DALRD3: variants seen among roughly 807,000 people sequenced by gnomAD.
DALRD3 encodes DALR anticodon-binding domain-containing protein 3.
Under a neutral mutation model 56.7 loss-of-function variants are expected in DALRD3, and 47 were observed. The ratio of observed to expected loss-of-function variants is 0.83; its 90% CI spans 0.66 to 1.06. The LOEUF (loss-of-function observed/expected upper bound fraction) is 1.06, where lower values mean the gene tolerates loss of function less well. Ranked by LOEUF, DALRD3 falls within the 50% of genes least tolerant of loss-of-function variation. DALRD3 has a pLI of 0.00. For synonymous variants in DALRD3, 347 were observed against 308.5 expected (o/e 1.12, Z -1.31); for missense variants, 787 against 724.0 (o/e 1.09, Z -1.00).
In DALRD3 at chr3:49,016,184, G is replaced by T. The variant is rs1349840757; in HGVS notation, c.1303C>A (p.Leu435Met). The part of the protein sequence containing the change: ...LYPTFPPVSS[L>M]DFSLLHDEGE... Reference sequence around the variant, plus strand: ...TCATCATGTAGCAGTGAGAAGTCCAGACTGCTCACAGGAGGAAAAGTGGGG... The same window carrying T: ...TCATCATGTAGCAGTGAGAAGTCCATACTGCTCACAGGAGGAAAAGTGGGG... Residue 435 changes from leucine (L) to methionine (M), a missense_variant, in exon 9 of 12, where the codon CTG (leucine) becomes ATG (methionine). Coordinates refer to ENST00000341949, the MANE Select transcript of DALRD3 (RefSeq NM_001009996.3). 1.9e-5 allele frequency: 30 copies of T among 1,614,048 alleles called. No homozygotes were observed. The highest frequency in any genetic ancestry group is 2.5e-5 in the Non-Finnish European group (29 of 1,180,038).
At chr3:49,017,038 T>C (rs2093090158) in intron 5 of DALRD3, 190 bp downstream of exon 5, 10 of 962,226 alleles carry the variant, frequency 1.0e-5, no homozygotes, top group Admixed American at 6.8e-5. Context: ...TTCAGTGTTC[T>C]TGGGATGTGT....
chr3:49,018,181 G>A lies in DALRD3; in HGVS notation c.303C>T (p.Ala101=). 6.9e-7 allele frequency: 1 copy of A among 1,449,222 alleles called. No homozygotes were observed. 89.8% of individuals were successfully genotyped at this position (1,449,222 alleles called of 1,614,324 possible). A position where few individuals can be genotyped will look rare whatever the true frequency, so the allele number is the denominator to read the frequency against. ...RSAVFERVLS[A]VAAYATPASP... ...AGGCGGGCGTGGCATAGGCGGCCAC[G>A]GCGCTGAGGACGCGCTCGAAGACGG... The change falls in exon 2 of 12, where the codon GCC becomes GCT. Residue 101 remains alanine, a synonymous_variant. Coordinates refer to ENST00000341949, the MANE Select transcript of DALRD3 (RefSeq NM_001009996.3).
Position 49,015,801 on chromosome 3 carries a change from C to A in DALRD3, c.1512+3G>T, listed in dbSNP as rs1254082132. ...GTCCCACCCCATTTTGCTGTGTGCT[C>A]ACCCCCAGGATGTGTACCCGGTTGT... On this transcript the variant is annotated splice_donor_region_variant and intron_variant, in intron 11 of 11. Coordinates refer to ENST00000341949, the MANE Select transcript of DALRD3 (RefSeq NM_001009996.3). 3 of 1,614,036 alleles carry A rather than the reference C, an allele frequency of 1.9e-6. No individual in the cohort carries two copies. The highest frequency in any genetic ancestry group is 1.7e-5 in the Admixed American group (1 of 59,988).
intron 8 of DALRD3, 25 bp from the exon 9 acceptor site, chr3:49,016,365 G>A (rs2093070276): frequency 6.2e-7 from 1 of 1,604,498 alleles, no homozygotes; most frequent in Non-Finnish European, 8.5e-7. Context: ...CACAGCTGCA[G>A]AGAGAGAAGG....
chr3:49,016,784 C>G lies in DALRD3; in HGVS notation c.991G>C (p.Glu331Gln). The change falls in exon 6 of 12, where the codon GAG becomes CAG. Residue 331 changes from glutamate (E) to glutamine (Q), a missense_variant. By Grantham distance (29) the Glu-to-Gln change is conservative. Coordinates refer to ENST00000341949, the MANE Select transcript of DALRD3 (RefSeq NM_001009996.3). ...CCCAGCCTCACTCACTCGTAGTACTCAGGGGCAGTCATCAGAGTGCCAGGT... is the reference window on the plus strand; with the variant it reads ...CCCAGCCTCACTCACTCGTAGTACTGAGGGGCAGTCATCAGAGTGCCAGGT... ...GAPGTLMTAP[E>Q]YYEFRHTQVC... 6.2e-7 allele frequency: 1 copy of G among 1,614,202 alleles called. No homozygotes were observed. The highest frequency in any genetic ancestry group is 8.5e-7 in the Non-Finnish European group (1 of 1,180,036).
chr3:49,017,041 G>C, intron 5 of DALRD3, 187 bp downstream of exon 5: 1 of 960,398 alleles, frequency 1.0e-6, no homozygotes, highest in Non-Finnish European at 1.6e-6. Flanking sequence ...AGTGTTCTTG[G>C]GATGTGTCTA....
In DALRD3 at chr3:49,018,304, CA is replaced by C. The variant is rs1386917834; in HGVS notation, c.179del (p.Leu60CysfsTer75). On this transcript the variant is annotated frameshift_variant, in exon 2 of 12. Coordinates refer to ENST00000341949, the MANE Select transcript of DALRD3 (RefSeq NM_001009996.3). LOFTEE classifies it high-confidence loss of function. ...RFDDGQVPEH[L>X]LHALACLQGP... ...CCTGCAGGCAGGCGAGGGCATGGAG[CA>C]AATGCTCCGGAACCTGCGGGAGAAC... 1 of 1,469,008 alleles carries C rather than the reference CA, an allele frequency of 6.8e-7. No individual in the cohort carries two copies. Among genetic ancestry groups the C allele is most frequent in the African/African-American group, 1.5e-5 (1 of 68,762 alleles). The allele number at this position is 1,469,008 out of a possible 1,614,324, so 91.0% of individuals were successfully genotyped here.
upstream of DALRD3, chr3:49,018,840 C>A (rs1361958844): frequency 2.0e-6 from 2 of 985,448 alleles, no homozygotes; most frequent in East Asian, 1.1e-4. Context: ...AAAGGATCCT[C>A]GCGACCCGGT....
At position 49,018,064 on chromosome 3, in the gene DALRD3, C is replaced by A; in HGVS notation, c.420G>T (p.Val140=). 1 of 1,491,984 alleles carries A rather than the reference C, an allele frequency of 6.7e-7. No individual in the cohort carries two copies. The highest frequency in any genetic ancestry group is 8.8e-7 in the Non-Finnish European group (1 of 1,131,044). The allele number at this position is 1,491,984 out of a possible 1,614,324, so 92.4% of individuals were successfully genotyped here. The change falls in exon 2 of 12, where the codon GTG becomes GTT. Residue 140 remains valine (V), a synonymous_variant. Transcript: ENST00000341949. Reference sequence around the variant, plus strand: ...CTCGCGCCAGGTGATCGGCCACGAGCACCGTACGCAGCTGGCTCAAGCGGA... The same window carrying A: ...CTCGCGCCAGGTGATCGGCCACGAGAACCGTACGCAGCTGGCTCAAGCGGA... ...CALRLSQLRT[V]LVADHLARAL...
At position 49,016,531 on chromosome 3, in the gene DALRD3, G is replaced by T. The variant is rs774789258; in HGVS notation, c.1064-20C>A. On this transcript the variant is annotated intron_variant, in intron 7 of 11. Transcript: ENST00000341949. ...CTGGGTCTGAGGGAGTATAGGGTTG[G>T]TCAGTCAGTCTGCAGGCAAGGGCAG... 11 of 1,610,698 alleles carry T rather than the reference G, an allele frequency of 6.8e-6. No individual in the cohort carries two copies. Among genetic ancestry groups the T allele is most frequent in the Non-Finnish European group, 9.3e-6 (11 of 1,178,576 alleles).
Position 49,016,313 on chromosome 3 carries a change from T to C in DALRD3, c.1174A>G (p.Ile392Val). 6.2e-7 allele frequency: 1 copy of C among 1,610,002 alleles called. No individual in the cohort carries two copies. Residue 392 changes from isoleucine (I) to valine (V), a missense_variant, in exon 9 of 12, where the codon ATC becomes GTC. Physicochemically the swap from Ile to Val is conservative, Grantham distance 29. Transcript: ENST00000341949. ...CCACTCTTTGTGCCCTTCGTGGAGA[T>C]ACTGCTGTCAGCCAGAGCCAGGAAG... ...QLFLALADSS[I>V]STKGTKSGTF...
rs892786633 is a variant in DALRD3 at position 49,018,272 on chromosome 3, C to T, written c.212G>A (p.Gly71Asp). The T allele has an allele frequency of 2.1e-6, 3 of 1,445,866 alleles. No individual in the cohort carries two copies. The highest frequency in any genetic ancestry group is 3.0e-5 in the African/African-American group (2 of 67,418). The allele number at this position is 1,445,866 out of a possible 1,614,324, so 89.6% of individuals were successfully genotyped here. Reference sequence around the variant, plus strand: ...CGCGCAGCGCAGCACCGGGGCCACACCGGGGCCCTGCAGGCAGGCGAGGGC... The same window carrying T: ...CGCGCAGCGCAGCACCGGGGCCACATCGGGGCCCTGCAGGCAGGCGAGGGC... ...LHALACLQGPGVAPVLRCAPT... is the reference protein window; with the variant it reads ...LHALACLQGPDVAPVLRCAPT... Residue 71 changes from glycine (G) to aspartate (D), a missense_variant, in exon 2 of 12, where the codon GGT becomes GAT. Gly to Asp is a moderately conservative substitution (Grantham distance 94, BLOSUM62 -1). Transcript: ENST00000341949.
chr3:49,017,120 G>A, intron 5 of DALRD3, 108 bp downstream of exon 5: 4 of 1,504,290 alleles, frequency 2.7e-6, no homozygotes, highest in Non-Finnish European at 3.6e-6. Context: ...ACTCCCCCAA[G>A]GTCAAGTGTT....
In DALRD3 at chr3:49,018,041, C is replaced by T; in HGVS notation, c.443G>A (p.Arg148Gln). The change falls in exon 2 of 12, where the codon CGA becomes CAA. Residue 148 changes from arginine to glutamine, a missense_variant. Transcript: ENST00000341949. ...RTVLVADHLA[R>Q]ALRAHGVCVR... ...CGCTCACCCGTGAGCGCGCAGGGCT[C>T]GCGCCAGGTGATCGGCCACGAGCAC... 1 of 1,487,556 alleles carries T rather than the reference C, an allele frequency of 6.7e-7. No homozygotes were observed. The allele number at this position is 1,487,556 out of a possible 1,614,324, so 92.1% of individuals were successfully genotyped here.
At position 49,015,651 on chromosome 3, in the gene DALRD3, A is replaced by C; in HGVS notation, c.1569T>G (p.Ala523=). ...QMFVRLQLLR[A]VREVLHTGLA... ...GGCCAGTATGGAGCACCTCACGCAC[A>C]GCTCTCAGAAGCTGCAGGCGGACGA... The change falls in exon 12 of 12, where the codon GCT becomes GCG. Residue 523 remains alanine (A), a synonymous_variant. Coordinates refer to ENST00000341949, the MANE Select transcript of DALRD3 (RefSeq NM_001009996.3). 1 of 1,614,188 alleles carries C rather than the reference A, an allele frequency of 6.2e-7. No homozygotes were observed. The highest frequency in any genetic ancestry group is 8.5e-7 in the Non-Finnish European group (1 of 1,180,024).
chr3:49,019,005 T>C (rs2093127768), upstream of DALRD3: 2 of 985,432 alleles, frequency 2.0e-6, no homozygotes, highest in Non-Finnish European at 2.4e-6. Context: ...TTAAAATATC[T>C]CGTTTTAAAA....
Position 49,016,268 on chromosome 3 carries a change from A to C in DALRD3, c.1219T>G (p.Cys407Gly). Residue 407 changes from cysteine to glycine, a missense_variant, in exon 9 of 12, where the codon TGT (cysteine) becomes GGT (glycine). By Grantham distance (159) the Cys-to-Gly change is radical. Transcript: ENST00000341949. ...TCAAAGAGTGTGGCAAGACGGGCAC[A>C]ATTATACATGACAAAGGTGCCACTC... ...TKSGTFVMYNCARLATLFESY... is the reference protein window; with the variant it reads ...TKSGTFVMYNGARLATLFESY... 1.2e-6 allele frequency: 2 copies of C among 1,614,132 alleles called. No individual in the cohort carries two copies. Among genetic ancestry groups the C allele is most frequent in the Non-Finnish European group, 1.7e-6 (2 of 1,179,994 alleles).
At position 49,016,221 on chromosome 3, in the gene DALRD3, T is replaced by G; in HGVS notation, c.1266A>C (p.Glu422Asp). ...TLFESYKCSM[E>D]QGLYPTFPPV... ...GAGGAAAAGTGGGGTACAGACCTTG[T>G]TCCATACTACACTTGTAACTCTCAA... Residue 422 changes from glutamate to aspartate, a missense_variant, in exon 9 of 12, where the codon GAA becomes GAC. Physicochemically the swap from Glu to Asp is conservative, Grantham distance 45. Transcript: ENST00000341949. 10 of 1,614,168 alleles carry G rather than the reference T, an allele frequency of 6.2e-6. No individual in the cohort carries two copies. The highest frequency in any genetic ancestry group is 8.5e-6 in the Non-Finnish European group (10 of 1,180,026).
At chr3:49,019,084 T>A, upstream of DALRD3, 1 of 964,606 alleles carries the variant, frequency 1.0e-6, no homozygotes, top group Non-Finnish European at 1.2e-6. Flanking sequence ...TGTTTTTTTG[T>A]TTGTTTGAGA....
Sources: allele counts gnomAD v4.1 joint callset, GRCh38; gene constraint gnomAD v4.1.1; transcripts MANE v1.5; gene names NCBI Gene and HGNC (gene_info 2026-07-23, HGNC 2026-07-21).